The following PLEKHA7 variants were observed in gnomAD, a reference collection of about 807,000 sequenced individuals.
PLEKHA7 encodes the protein pleckstrin homology domain containing A7.
In PLEKHA7, 104 loss-of-function variants were observed where a neutral mutation model predicts 170.0. The ratio of observed to expected loss-of-function variants is 0.61; its 90% CI spans 0.52 to 0.72. PLEKHA7 has a LOEUF of 0.72. Among genes scored for constraint, PLEKHA7 ranks in the 30% least tolerant of loss-of-function variants. PLEKHA7 has a pLI of 0.00. For synonymous variants in PLEKHA7, 648 were observed against 660.8 expected, an observed-to-expected ratio of 0.98 and a Z score of 0.30; for missense variants, 1,615 against 1,671.7, an observed-to-expected ratio of 0.97 and a Z score of 0.59.
chr11:17,007,058 T>C (rs1215868155), intron 3 of PLEKHA7, among the ~76,000 whole-genome samples: 1 of 152,182 alleles, frequency 6.6e-6, no homozygotes. Flanking sequence ...ACCAGGTTCT[T>C]AACTGCCCAC....
chr11:17,004,993 C>A (rs1168905316), intron 3 of PLEKHA7, among the ~76,000 whole-genome samples: 1 of 152,152 alleles, frequency 6.6e-6, no homozygotes, highest in Non-Finnish European at 1.5e-5. Context: ...GAGATTCAAA[C>A]CTGTGCTGTC....
At chr11:16,846,024 C>T (rs926716813) in intron 8 of PLEKHA7, among the ~76,000 whole-genome samples, 17 of 152,176 alleles carry the variant, frequency 1.1e-4, no homozygotes, top group African/African-American at 4.1e-4. Context: ...GTGGCTCATG[C>T]CTGTAATCCC....
At position 16,816,791 on chromosome 11, in the gene PLEKHA7, G is replaced by A. The variant is rs753562596; in HGVS notation, c.1866+9C>T. 9.3e-6 allele frequency: 15 copies of A among 1,611,710 alleles called. No homozygotes were observed. The highest frequency in any genetic ancestry group is 1.7e-4 in the Middle Eastern group (1 of 5,854). ...ACCCAGCAGCCTGGCAGAGCTTCCC[G>A]AGCCTCACCTTGACAGCGTGGCCCC... On this transcript the variant is annotated intron_variant, in intron 11 of 26. Transcript: ENST00000531066.
At chr11:16,786,552 T>A in intron 23 of PLEKHA7, 165 bp from the exon 24 acceptor site, 1 of 985,432 alleles carries the variant, frequency 1.0e-6, no homozygotes, top group African/African-American at 1.7e-5. Flanking sequence ...TCATATGGGC[T>A]GTTCCAGACT....
chr11:17,011,899 A>G (rs1244905358), intron 3 of PLEKHA7, among the ~76,000 whole-genome samples: 1 of 152,174 alleles, frequency 6.6e-6, no homozygotes, highest in Non-Finnish European at 1.5e-5. Context: ...AACGATATGA[A>G]TGCTATCCAC....
chr11:16,850,675 G>T (rs1259492851), intron 8 of PLEKHA7, among the ~76,000 whole-genome samples: 1 of 152,212 alleles, frequency 6.6e-6, no homozygotes, highest in African/African-American at 2.4e-5. Flanking sequence ...GGTTTTACTG[G>T]TAAAGGGATC....
chr11:16,871,119 A>T lies in PLEKHA7; in HGVS notation c.285T>A (p.Ser95Arg). ...CTTACTCTTCTTGAAGAATGAATTCACTATTTTCTGGAGAAAACTGTCCCG... is the reference window on the plus strand; with the variant it reads ...CTTACTCTTCTTGAAGAATGAATTCTCTATTTTCTGGAGAAAACTGTCCCG... ...PVTGQFSPEN[S>R]EFILQEEPNP... Residue 95 changes from serine to arginine, a missense_variant, in exon 4 of 27, where the codon AGT (serine) becomes AGA (arginine). Transcript: ENST00000531066. 1.2e-6 allele frequency: 2 copies of T among 1,603,080 alleles called. No homozygotes were observed. The highest frequency in any genetic ancestry group is 1.7e-6 in the Non-Finnish European group (2 of 1,170,190).
intron 26 of PLEKHA7, among the ~76,000 whole-genome samples, chr11:16,782,047 TGAGA>T (rs956158954): frequency 5.3e-5 from 8 of 151,880 alleles, no homozygotes; most frequent in East Asian, 1.9e-4. Context: ...CCTTCCTGGC[TGAGA>T]GAAAGAGCAG....
intron 3 of PLEKHA7, among the ~76,000 whole-genome samples, chr11:16,904,608 C>G (rs756871362): frequency 1.6e-4 from 24 of 152,142 alleles, no homozygotes; most frequent in Admixed American, 1.3e-4. Context: ...TTATGCATAT[C>G]TCTTCTGCAT....
intron 3 of PLEKHA7, among the ~76,000 whole-genome samples, chr11:16,948,840 G>A (rs1466570793): frequency 6.6e-6 from 1 of 152,178 alleles, no homozygotes; most frequent in Non-Finnish European, 1.5e-5. Context: ...TGAAGCCCTT[G>A]CCCACTTTCC....
In PLEKHA7 at chr11:16,940,281, GTTT is replaced by G. The variant is rs71047516; in HGVS notation, c.222-69102_222-69100del. Among the ~76,000 whole-genome samples the G allele has an allele frequency of 3.7e-3, 405 of 110,336 alleles. 4 individuals are homozygous for G. Among genetic ancestry groups the G allele is most frequent in the East Asian group, 8.0e-3 (28 of 3,486 alleles). 72.4% of individuals were successfully genotyped at this position (110,336 alleles called of 152,430 possible). On this transcript the variant is annotated intron_variant, in intron 3 of 26. Coordinates refer to ENST00000531066, the MANE Select transcript of PLEKHA7 (RefSeq NM_001329630.2). Reference sequence around the variant, plus strand: ...AGTATCTCAGATCTTTTCTTCTGCTGTTTTTTTTTTTTTTTTTTTTTTTGAGAC... The same window carrying G: ...AGTATCTCAGATCTTTTCTTCTGCTGTTTTTTTTTTTTTTTTTTTTGAGAC...
chr11:16,933,372 A>T (rs951240329), intron 3 of PLEKHA7, among the ~76,000 whole-genome samples: 4 of 152,224 alleles, frequency 2.6e-5, no homozygotes, highest in Non-Finnish European at 5.9e-5. Context: ...AGATGAGCTA[A>T]AGAGACTGCT....
chr11:16,970,307 T>A (rs768084877), intron 3 of PLEKHA7, among the ~76,000 whole-genome samples: 5 of 152,134 alleles, frequency 3.3e-5, no homozygotes, highest in African/African-American at 7.2e-5. Context: ...TTCCAACCTT[T>A]ATAATGGGGA....
At chr11:16,811,063 T>C (rs1349894220) in intron 13 of PLEKHA7, among the ~76,000 whole-genome samples, 4 of 152,222 alleles carry the variant, frequency 2.6e-5, no homozygotes, top group Non-Finnish European at 5.9e-5. Context: ...TCAGGGACTC[T>C]TAGTTCTGCT....
intron 13 of PLEKHA7, among the ~76,000 whole-genome samples, chr11:16,809,566 C>G (rs1207138949): frequency 6.6e-6 from 1 of 152,214 alleles, no homozygotes; most frequent in African/African-American, 2.4e-5. Flanking sequence ...CAGGCCTATT[C>G]AACCATGTCC....
At chr11:16,962,743 G>A (rs1293182297) in intron 3 of PLEKHA7, among the ~76,000 whole-genome samples, 1 of 152,198 alleles carries the variant, frequency 6.6e-6, no homozygotes, top group African/African-American at 2.4e-5. Flanking sequence ...TTACAGGCAT[G>A]AGCCACTGCA....
chr11:16,844,059 T>C (rs1852189755), intron 8 of PLEKHA7, among the ~76,000 whole-genome samples: 2 of 151,968 alleles, frequency 1.3e-5, no homozygotes, highest in African/African-American at 2.4e-5. Flanking sequence ...TCTGACACAC[T>C]CTCCCAGCCT....
At position 16,892,619 on chromosome 11, in the gene PLEKHA7, C is replaced by CTTT. The variant is rs10674972; in HGVS notation, c.222-21440_222-21438dup. ...TGCCACCATGCCCAGCTTCCAGCTT[C>CTTT]TTTTTTTTTTTTTTTTTTTTTTCGT... On this transcript the variant is annotated intron_variant, in intron 3 of 26. Coordinates refer to ENST00000531066, the MANE Select transcript of PLEKHA7 (RefSeq NM_001329630.2). Among the ~76,000 whole-genome samples, 67 of 82,354 alleles carry CTTT rather than the reference C, an allele frequency of 8.1e-4. 1 individual carries two copies. Among genetic ancestry groups the CTTT allele is most frequent in the African/African-American group, 2.1e-3 (40 of 19,108 alleles). The allele number at this position is 82,354 out of a possible 152,430, so 54.0% of individuals were successfully genotyped here.
At chr11:16,871,651 C>T (rs1854859369) in intron 3 of PLEKHA7, among the ~76,000 whole-genome samples, 1 of 152,192 alleles carries the variant, frequency 6.6e-6, no homozygotes, top group African/African-American at 2.4e-5. Flanking sequence ...ATTCTTCTCC[C>T]TACTACAAAA....
Sources: gnomAD v4.1 joint callset for allele counts (sites outside exome capture counted in the v4.1 genomes callset) on GRCh38, gnomAD v4.1.1 for gene constraint, MANE v1.5 for transcripts, NCBI Gene and HGNC (gene_info 2026-07-23, HGNC 2026-07-21) for gene names.